Variants in EIF4G2 observed in about 807,000 individuals in gnomAD.
EIF4G2 encodes the protein DAP-5.
Under a neutral mutation model 117.7 loss-of-function variants are expected in EIF4G2, and 8 were observed. The observed-to-expected ratio is 0.07, with a 90% confidence interval of 0.04 to 0.12. EIF4G2 has a LOEUF of 0.12. Ranked by LOEUF, EIF4G2 falls within the 10% of genes least tolerant of loss-of-function variation. The pLI is 1.00. For missense variants in EIF4G2, 812 were observed against 1,086.2 expected (o/e 0.75, Z 3.55); for synonymous variants, 413 against 367.8 (o/e 1.12, Z -1.41).
chr11:10,798,832 T>G, intron 21 of EIF4G2, 160 bp downstream of exon 21: 1 of 894,116 alleles, frequency 1.1e-6, no homozygotes, highest in East Asian at 2.5e-5. Context: ...GTAGCTTTAC[T>G]TAATAATAGC....
In EIF4G2 at chr11:10,804,455, A is replaced by G. The variant is rs112537947; in HGVS notation, c.352-37T>C. ...GTCATTGCTTAAACTAAATATGAAA[A>G]CTTCTCCAAGAACCCTTCCTTTAGG... On this transcript the variant is annotated intron_variant, in intron 5 of 21. Transcript: ENST00000339995. The G allele has an allele frequency of 2.6e-3, 4,034 of 1,543,024 alleles. 17 individuals carry two copies. Among genetic ancestry groups the G allele is most frequent in the Non-Finnish European group, 3.0e-3 (3,385 of 1,146,814 alleles).
Position 10,800,715 on chromosome 11 carries a change from G to A in EIF4G2, c.1644+16C>T. On this transcript the variant is annotated intron_variant, in intron 16 of 21. Transcript: ENST00000339995. ...ATACAGGCTAATTACACTAAAATGG[G>A]ATATTTGAAACTTACAGTTAGTTTA... 17 of 1,614,048 alleles carry A rather than the reference G, an allele frequency of 1.1e-5. No homozygotes were observed. Among genetic ancestry groups the A allele is most frequent in the Non-Finnish European group, 1.4e-5 (17 of 1,179,936 alleles).
rs769384653 is a variant in EIF4G2, at chr11:10,799,278, A to G, written c.2471T>C (p.Val824Ala). 4 of 1,614,190 alleles carry G rather than the reference A, an allele frequency of 2.5e-6. No individual in the cohort carries two copies. The highest frequency in any genetic ancestry group is 1.7e-5 in the Admixed American group (1 of 60,020). Residue 824 changes from valine to alanine, a missense_variant, in exon 20 of 22, where the codon GTT (valine) becomes GCT (alanine). By Grantham distance (64) the Val-to-Ala change is moderately conservative (BLOSUM62 0). This residue lies in a region of EIF4G2 where 571 missense variants were observed against 642.3 expected (regional missense o/e 0.89). Transcript: ENST00000339995. Reference sequence around the variant, plus strand: ...ATACAGGGCACTGACTTGTAGATCAACGTGATCATGAAGAAATTTCTGCAT... The same window carrying G: ...ATACAGGGCACTGACTTGTAGATCAGCGTGATCATGAAGAAATTTCTGCAT...
intron 21 of EIF4G2, 99 bp downstream of exon 21, chr11:10,798,893 G>A (rs1422312600): frequency 5.0e-6 from 7 of 1,396,694 alleles, no homozygotes; most frequent in Non-Finnish European, 2.9e-6. Flanking sequence ...TACTAACTAG[G>A]ACTACCTTGC....
intron 14 of EIF4G2, 141 bp downstream of exon 14, chr11:10,801,520 G>C: frequency 1.2e-6 from 1 of 860,122 alleles, no homozygotes; most frequent in East Asian, 2.4e-5. Flanking sequence ...TTCAAAGAAA[G>C]AAAAAGAAGT....
At chr11:10,806,301 G>A (rs987237231) in intron 3 of EIF4G2, 4 of 526,480 alleles carry the variant, frequency 7.6e-6, no homozygotes, top group East Asian at 6.5e-5. Flanking sequence ...TGCATGTCTA[G>A]TAAATATTCC....
rs140592159 is a variant in EIF4G2, at chr11:10,801,527, A to T, written c.1413+134T>A. ...GCTGGACATTCAAAGAAAGAAAAAG[A>T]AGTATAGAAAAGAGAGAAAAACGTC... On this transcript the variant is annotated intron_variant, in intron 14 of 21. Coordinates refer to ENST00000339995, the MANE Select transcript of EIF4G2 (RefSeq NM_001418.4). The T allele has an allele frequency of 8.4e-4, 725 of 866,226 alleles. 1 individual carries two copies. Among genetic ancestry groups the T allele is most frequent in the Middle Eastern group, 1.1e-3 (5 of 4,628 alleles). The allele number at this position is 866,226 out of a possible 1,614,324, so 53.7% of individuals were successfully genotyped here.
At chr11:10,801,257 T>A in intron 14 of EIF4G2, 170 bp from the exon 15 acceptor site, 2 of 849,696 alleles carry the variant, frequency 2.4e-6, no homozygotes, top group Non-Finnish European at 3.5e-6. Context: ...GCAAAAAATT[T>A]AAAGATCTGA....
In EIF4G2 at chr11:10,804,284, T is replaced by TA; in HGVS notation, c.483+2dup. Reference sequence around the variant, plus strand: ...AAACAAGCAAACAAAAACTACCACTTACGGTGCTTTGCTTCTGTCCTGGTT... The same window carrying TA: ...AAACAAGCAAACAAAAACTACCACTTAACGGTGCTTTGCTTCTGTCCTGGTT... On this transcript the variant is annotated splice_region_variant and intron_variant, in intron 6 of 21. Coordinates refer to ENST00000339995, the MANE Select transcript of EIF4G2 (RefSeq NM_001418.4). 1 of 1,613,704 alleles carries TA rather than the reference T, an allele frequency of 6.2e-7. No individual in the cohort carries two copies. The highest frequency in any genetic ancestry group is 8.5e-7 in the Non-Finnish European group (1 of 1,179,774).
At chr11:10,798,879 A>G in intron 21 of EIF4G2, 113 bp downstream of exon 21, 1 of 1,287,204 alleles carries the variant, frequency 7.8e-7, no homozygotes, top group East Asian at 2.3e-5. Context: ...AGGTGAAGAC[A>G]AACTACTAAC....
At position 10,800,425 on chromosome 11, in the gene EIF4G2, G is replaced by A. The variant is rs376271327; in HGVS notation, c.1860+7C>T. The A allele has an allele frequency of 7.4e-6, 12 of 1,614,030 alleles. No homozygotes were observed. In the African/African-American group the frequency reaches 1.5e-4, roughly 20 times the overall value. The stretch of plus-strand genomic sequence containing the variant: ...GTTCTTACCACACAATCAGTAAAGT[G>A]TCCTACCTGCATGAAGTTGTCACTT... On this transcript the variant is annotated splice_region_variant and intron_variant, in intron 17 of 21. Transcript: ENST00000339995.
chr11:10,808,367 C>A, intron 1 of EIF4G2: 1 of 1,215,968 alleles, frequency 8.2e-7, no homozygotes, highest in Non-Finnish European at 1.0e-6. Context: ...GCGTGCCTCC[C>A]GCCACGGCGC....
Position 10,801,701 on chromosome 11 carries a change from G to A in EIF4G2, c.1373C>T (p.Pro458Leu). ...CTGTCCTTTCTTAGAAAACCGAGGTGGCATATCCTTCGACTGTCCTTGCAG... is the reference window on the plus strand; with the variant it reads ...CTGTCCTTTCTTAGAAAACCGAGGTAGCATATCCTTCGACTGTCCTTGCAG... The change falls in exon 14 of 22, where the codon CCA becomes CTA. Residue 458 changes from proline to leucine, a missense_variant. Around this residue, in one of 4 missense-constraint regions of EIF4G2, gnomAD observed 571 missense variants for 642.3 expected, o/e 0.89. Transcript: ENST00000339995. 6.2e-7 allele frequency: 1 copy of A among 1,614,190 alleles called. No individual in the cohort carries two copies. The highest frequency in any genetic ancestry group is 8.5e-7 in the Non-Finnish European group (1 of 1,180,036).
chr11:10,799,081 C>T lies in EIF4G2; in HGVS notation c.2569G>A (p.Asp857Asn). 2 of 1,583,830 alleles carry T rather than the reference C, an allele frequency of 1.3e-6. No homozygotes were observed. The highest frequency in any genetic ancestry group is 1.7e-6 in the Non-Finnish European group (2 of 1,168,698). ...GCTTCTTCTTCAATAATTTCCATGT[C>T]ATAGAAGTGCACAAAAAAGCGAAGT... Residue 857 changes from aspartate to asparagine, a missense_variant, in exon 21 of 22, where the codon GAC becomes AAC. This residue lies in a region of EIF4G2 where 571 missense variants were observed against 642.3 expected (regional missense o/e 0.89). Coordinates refer to ENST00000339995, the MANE Select transcript of EIF4G2 (RefSeq NM_001418.4).
In EIF4G2 at chr11:10,807,250, A is replaced by C. The variant is rs1459039479; in HGVS notation, c.41+5T>G. 4 of 1,607,372 alleles carry C rather than the reference A, an allele frequency of 2.5e-6. No homozygotes were observed. The highest frequency in any genetic ancestry group is 2.2e-5 in the East Asian group (1 of 44,836). On this transcript the variant is annotated splice_donor_5th_base_variant and intron_variant, in intron 2 of 21. Transcript: ENST00000339995. ...AAGGATTCCCCAAAATAAATCTACA[A>C]GTACCTGAAACGAGAAGCACCCCCT... is the stretch of plus-strand genomic sequence containing the variant.
intron 4 of EIF4G2, 120 bp downstream of exon 4, chr11:10,805,787 G>A (rs1847550210): frequency 1.4e-6 from 2 of 1,420,254 alleles, no homozygotes; most frequent in Non-Finnish European, 9.8e-7. Context: ...CTACCATGAG[G>A]ATTCATTAAA....
intron 13 of EIF4G2, 85 bp from the exon 14 acceptor site, chr11:10,801,859 C>T (rs1847427837): frequency 4.4e-6 from 6 of 1,351,454 alleles, no homozygotes; most frequent in Middle Eastern, 4.0e-4. Flanking sequence ...TGAGCCAAGC[C>T]ATAAAGTTAG....
intron 4 of EIF4G2, 108 bp downstream of exon 4, chr11:10,805,799 C>T (rs1176147230): frequency 2.0e-6 from 3 of 1,502,594 alleles, no homozygotes; most frequent in Non-Finnish European, 2.8e-6. Flanking sequence ...TTCATTAAAA[C>T]ATACATACTC....
chr11:10,802,921 C>T, intron 11 of EIF4G2, 109 bp downstream of exon 11: 1 of 886,158 alleles, frequency 1.1e-6, no homozygotes, highest in Non-Finnish European at 1.7e-6. Flanking sequence ...TAAGCTCCAC[C>T]ACTAAGATGA....
Sources: allele counts gnomAD v4.1 joint callset, GRCh38; gene constraint gnomAD v4.1.1; regional missense constraint gnomAD v4.1.1; transcripts MANE v1.5; gene names NCBI Gene and HGNC (gene_info 2026-07-23, HGNC 2026-07-21).